CDKAL1: variants seen among roughly 807,000 people sequenced by gnomAD.
The protein encoded by CDKAL1 is CDKAL1 threonylcarbamoyladenosine tRNA methylthiotransferase, also known as threonylcarbamoyladenosine tRNA methylthiotransferase.
A neutral mutation model predicts 68.2 loss-of-function variants in CDKAL1; 32 were observed. The ratio of observed to expected loss-of-function variants is 0.47; its 90% CI spans 0.35 to 0.63. CDKAL1 has a LOEUF of 0.63. CDKAL1 is among the 30% of genes least tolerant of loss of function. The probability of loss-of-function intolerance (pLI) is 0.00; values close to 1 mark genes in which losing one functional copy is unlikely to be tolerated. For synonymous variants in CDKAL1, 234 were observed against 244.3 expected, an observed-to-expected ratio of 0.96 and a Z score of 0.39; for missense variants, 606 against 696.7, an observed-to-expected ratio of 0.87 and a Z score of 1.47.
At chr6:20,658,089 C>A (rs1470734481) in intron 5 of CDKAL1, among the ~76,000 whole-genome samples, 1 of 152,166 alleles carries the variant, frequency 6.6e-6, no homozygotes, top group Non-Finnish European at 1.5e-5. Flanking sequence ...TCAAAAAACT[C>A]CTTTGGTTAA....
intron 8 of CDKAL1, among the ~76,000 whole-genome samples, chr6:20,789,530 A>G (rs1023948411): frequency 2.6e-5 from 4 of 152,220 alleles, no homozygotes; most frequent in South Asian, 2.1e-4. Flanking sequence ...ATGAATATGT[A>G]TATAATTTTC....
rs182762359 is a variant in CDKAL1, at chr6:20,770,103, T to C, written c.518-11042T>C. 7.0e-4 allele frequency among the ~76,000 whole-genome samples: 106 copies of C among 152,316 alleles called. 1 individual carries two copies. The highest frequency in any genetic ancestry group is 2.4e-3 in the African/African-American group (99 of 41,582). On this transcript the variant is annotated intron_variant, in intron 7 of 15. Transcript: ENST00000274695. ...TTTTTAAACTTTTTTTTCTCTTTTA[T>C]TTGCTGTTTTATTTTGTGCCAACAT...
chr6:20,999,607 C>A (rs1357652156), intron 10 of CDKAL1, among the ~76,000 whole-genome samples: 1 of 144,836 alleles, frequency 6.9e-6, no homozygotes, highest in Non-Finnish European at 1.5e-5. Flanking sequence ...GCTGGCCTCA[C>A]TGTCGGGTCA....
intron 15 of CDKAL1, among the ~76,000 whole-genome samples, chr6:21,218,118 T>C (rs1017511297): frequency 6.6e-6 from 1 of 152,232 alleles, no homozygotes; most frequent in Non-Finnish European, 1.5e-5. Context: ...TCCTAAAGTT[T>C]TTCTAGTTTT....
At chr6:20,638,528 G>C (rs1768007854) in intron 4 of CDKAL1, among the ~76,000 whole-genome samples, 1 of 152,056 alleles carries the variant, frequency 6.6e-6, no homozygotes, top group South Asian at 2.1e-4. Flanking sequence ...ATCGTGAAGG[G>C]CCCTGGAAAG....
intron 7 of CDKAL1, among the ~76,000 whole-genome samples, chr6:20,759,171 T>G (rs1774361302): frequency 6.6e-6 from 1 of 152,158 alleles, no homozygotes; most frequent in Non-Finnish European, 1.5e-5. Flanking sequence ...ATAGTTTTCT[T>G]TTTTAAATAT....
chr6:20,978,845 A>G (rs1202982970), intron 10 of CDKAL1, among the ~76,000 whole-genome samples: 2 of 152,182 alleles, frequency 1.3e-5, no homozygotes, highest in African/African-American at 4.8e-5. Context: ...TGTTGAGAAT[A>G]TAGAGTTTTT....
At chr6:20,952,153 T>A (rs1764564088) in intron 9 of CDKAL1, among the ~76,000 whole-genome samples, 1 of 151,926 alleles carries the variant, frequency 6.6e-6, no homozygotes, top group African/African-American at 2.4e-5. Flanking sequence ...AGAGACAGGG[T>A]TTCACCGTGT....
intron 12 of CDKAL1, among the ~76,000 whole-genome samples, chr6:21,093,694 C>CTTTTTTTTTTTTTTTT (rs547923386): frequency 1.1e-5 from 1 of 88,084 alleles, no homozygotes; most frequent in African/African-American, 4.6e-5. Flanking sequence ...GCTGCTGCTG[C>CTTTTTTTTTTTTTTTT]TTTTTTTTTT....
In CDKAL1 at chr6:21,000,295, C is replaced by T. The variant is rs750171067; in HGVS notation, c.978C>T (p.Ser326=). Reference sequence around the variant, plus strand: ...TGCACATACCAGTCCAGTCTGCCTCCGACAGCGTACTCATGGAAATGAAAA... The same window carrying T: ...TGCACATACCAGTCCAGTCTGCCTCTGACAGCGTACTCATGGAAATGAAAA... ...AFLHIPVQSA[S]DSVLMEMKRE... The change falls in exon 11 of 16, where the codon TCC becomes TCT. Residue 326 remains serine, a synonymous_variant. Coordinates refer to ENST00000274695, the MANE Select transcript of CDKAL1 (RefSeq NM_017774.3). The T allele has an allele frequency of 2.0e-5, 32 of 1,613,578 alleles. 1 individual carries two copies. The highest frequency in any genetic ancestry group is 9.9e-5 in the South Asian group (9 of 91,066).
intron 5 of CDKAL1, among the ~76,000 whole-genome samples, chr6:20,664,776 C>G (rs900917651): frequency 2.6e-5 from 4 of 152,092 alleles, no homozygotes; most frequent in South Asian, 4.1e-4. Context: ...TCTATCTAGG[C>G]TGCAAGCTTT....
chr6:20,860,498 G>A (rs1269719486), intron 9 of CDKAL1, among the ~76,000 whole-genome samples: 1 of 152,206 alleles, frequency 6.6e-6, no homozygotes, highest in Non-Finnish European at 1.5e-5. Context: ...ACTAGAGCTT[G>A]GCATAGCATA....
intron 5 of CDKAL1, among the ~76,000 whole-genome samples, chr6:20,698,992 A>G (rs547900953): frequency 1.8e-4 from 28 of 152,324 alleles, no homozygotes; most frequent in African/African-American, 6.3e-4. Flanking sequence ...ATTTACAATG[A>G]TAAGTTTTAA....
intron 9 of CDKAL1, among the ~76,000 whole-genome samples, chr6:20,859,419 G>A (rs960039088): frequency 2.6e-5 from 4 of 152,054 alleles, no homozygotes; most frequent in South Asian, 2.1e-4. Context: ...CTATGAATAC[G>A]TAAAAGAACT....
intron 11 of CDKAL1, among the ~76,000 whole-genome samples, chr6:21,054,329 T>C (rs997989308): frequency 6.6e-6 from 1 of 152,216 alleles, no homozygotes; most frequent in Non-Finnish European, 1.5e-5. Context: ...ATCCCTACAC[T>C]GATAACCATA....
At chr6:20,764,875 C>A (rs994098224) in intron 7 of CDKAL1, among the ~76,000 whole-genome samples, 2 of 152,076 alleles carry the variant, frequency 1.3e-5, no homozygotes, top group Admixed American at 6.6e-5. Flanking sequence ...TATATGTAAT[C>A]TCTGATACAG....
intron 8 of CDKAL1, among the ~76,000 whole-genome samples, chr6:20,817,932 T>C (rs907985829): frequency 1.1e-4 from 17 of 152,286 alleles, no homozygotes; most frequent in East Asian, 5.8e-4. Flanking sequence ...ATTAGCATGA[T>C]TGTAGCCTGA....
At chr6:20,792,392 T>C (rs1290356082) in intron 8 of CDKAL1, among the ~76,000 whole-genome samples, 9 of 152,212 alleles carry the variant, frequency 5.9e-5, no homozygotes, top group African/African-American at 2.2e-4. Context: ...TTGTAATGTA[T>C]ATTTTTGTGG....
intron 9 of CDKAL1, among the ~76,000 whole-genome samples, chr6:20,901,498 C>A (rs1226830968): frequency 1.3e-5 from 2 of 151,156 alleles, no homozygotes; most frequent in Admixed American, 6.6e-5. Context: ...CATGGTGAAA[C>A]CCTGTCTCTA....
Sources: gnomAD v4.1 joint callset for allele counts (sites outside exome capture counted in the v4.1 genomes callset) on GRCh38, gnomAD v4.1.1 for gene constraint, MANE v1.5 for transcripts, NCBI Gene and HGNC (gene_info 2026-07-23, HGNC 2026-07-21) for gene names.